TSC2: variants seen among roughly 807,000 people sequenced by gnomAD.
TSC2 encodes the protein TSC complex subunit 2.
Under a neutral mutation model 202.2 loss-of-function variants are expected in TSC2, and 29 were observed. That is an observed-to-expected ratio of 0.14 (90% confidence interval 0.11 to 0.20). The LOEUF (loss-of-function observed/expected upper bound fraction) is 0.20. TSC2 is among the 10% of genes least tolerant of loss of function. The pLI, the probability that TSC2 is intolerant of heterozygous loss-of-function variation, is 1.00. For synonymous variants in TSC2, 1,349 were observed against 1,044.0 expected, an observed-to-expected ratio of 1.29 and a Z score of -5.63; for missense variants, 2,429 against 2,420.0, an observed-to-expected ratio of 1.00 and a Z score of -0.08.
chr16:2,085,388 G>A (rs1268458832), intron 36 of TSC2, 66 bp downstream of exon 36: 19 of 1,552,688 alleles, frequency 1.2e-5, no homozygotes, highest in Middle Eastern at 1.7e-4. Context: ...GCAGTGGGTA[G>A]GGAGTCTGGG....
intron 18 of TSC2, 34 bp from the exon 19 acceptor site, chr16:2,071,750 G>A (rs1301641711): frequency 1.5e-5 from 24 of 1,601,278 alleles, no homozygotes; most frequent in East Asian, 6.8e-5. Context: ...CTGCTGCGGG[G>A]ACTTGGCCTC....
chr16:2,088,603 T>G lies in TSC2; in HGVS notation c.5417T>G (p.Phe1806Cys). 6.2e-7 allele frequency: 1 copy of G among 1,603,880 alleles called. No homozygotes were observed. The highest frequency in any genetic ancestry group is 8.5e-7 in the Non-Finnish European group (1 of 1,179,674). Residue 1806 changes from phenylalanine to cysteine, a missense_variant, in exon 42 of 42, where the codon TTT becomes TGT. By Grantham distance (205) the Phe-to-Cys change is radical. Transcript: ENST00000219476. ...LISSVEDFTE[F>C]V is the part of the protein sequence containing the mutation. Reference sequence around the variant, plus strand: ...TCCTCGGTGGAGGACTTCACCGAGTTTGTGTGAGGCCGGGGCCCTCCCTCC... The same window carrying G: ...TCCTCGGTGGAGGACTTCACCGAGTGTGTGTGAGGCCGGGGCCCTCCCTCC...
Position 2,055,628 on chromosome 16 carries a change from C to T in TSC2, c.599+109C>T, listed in dbSNP as rs1283856236. 9.3e-6 allele frequency: 10 copies of T among 1,076,100 alleles called. No homozygotes were observed. In the East Asian group the frequency reaches 1.9e-4, roughly 20 times the overall value. 66.7% of individuals were successfully genotyped at this position (1,076,100 alleles called of 1,614,324 possible). A position where few individuals can be genotyped will look rare whatever the true frequency, so the allele number is the denominator to read the frequency against. On this transcript the variant is annotated intron_variant, in intron 6 of 41. Coordinates refer to ENST00000219476, the MANE Select transcript of TSC2 (RefSeq NM_000548.5). ...AGAGGTTGGGCTGGGCACAATGGCT[C>T]ACGCCTGTAATCTCAGCACTTTGGG...
At chr16:2,048,152 C>A in intron 1 of TSC2, 87 bp downstream of exon 1, 1 of 1,532,832 alleles carries the variant, frequency 6.5e-7, no homozygotes, top group Non-Finnish European at 8.8e-7. Context: ...GGGTCCCGGG[C>A]CCTCACCCGC....
chr16:2,050,749 A>G (rs1280487042), intron 3 of TSC2, among the ~76,000 whole-genome samples: 1 of 150,838 alleles, frequency 6.6e-6, no homozygotes, highest in Admixed American at 6.6e-5. Flanking sequence ...GCGCCACCAC[A>G]CCCGGCTTTT....
intron 16 of TSC2, among the ~76,000 whole-genome samples, chr16:2,069,323 A>G (rs1172355311): frequency 1.3e-5 from 2 of 151,926 alleles, no homozygotes; most frequent in Admixed American, 6.6e-5. Flanking sequence ...TCATTTAATC[A>G]TCTTTTTTTT....
Position 2,056,178 on chromosome 16 carries a change from G to C in TSC2, c.600-18G>C, listed in dbSNP as rs199683502. The C allele has an allele frequency of 6.2e-7, 1 of 1,613,710 alleles. No individual in the cohort carries two copies. The highest frequency in any genetic ancestry group is 8.5e-7 in the Non-Finnish European group (1 of 1,180,036). ...ATCCAGGCAGTGCTGCCGGGACTGA[G>C]CTCGGTGCTCCCTGCAGGATGATCT... On this transcript the variant is annotated intron_variant, in intron 6 of 41. Transcript: ENST00000219476.
intron 21 of TSC2, among the ~76,000 whole-genome samples, 183 bp from the exon 22 acceptor site, chr16:2,074,017 C>G (rs1000593901): frequency 2.6e-5 from 4 of 152,248 alleles, no homozygotes; most frequent in Non-Finnish European, 5.9e-5. Context: ...TGCAACTGAC[C>G]GGAGCAGTCT....
chr16:2,060,564 A>G, intron 10 of TSC2, 106 bp from the exon 11 acceptor site: 1 of 1,583,634 alleles, frequency 6.3e-7, no homozygotes. Flanking sequence ...TGTGGTGGGC[A>G]CTGCGCGCTC....
At chr16:2,073,111 T>G in intron 21 of TSC2, 128 bp downstream of exon 21, 2 of 1,451,354 alleles carry the variant, frequency 1.4e-6, no homozygotes, top group South Asian at 1.2e-5. Flanking sequence ...TTGGCTCTGC[T>G]TCCCTGGGTG....
At chr16:2,077,911 G>T (rs561068457) in intron 26 of TSC2, among the ~76,000 whole-genome samples, 185 bp downstream of exon 26, 1 of 152,152 alleles carries the variant, frequency 6.6e-6, no homozygotes, top group Non-Finnish European at 1.5e-5. Flanking sequence ...GTATGAGCAC[G>T]GGCTGGTTGC....
At chr16:2,051,674 C>G (rs2085146182) in intron 3 of TSC2, among the ~76,000 whole-genome samples, 1 of 152,226 alleles carries the variant, frequency 6.6e-6, no homozygotes, top group African/African-American at 2.4e-5. Flanking sequence ...ACCTGGACCT[C>G]TCATGCTCAG....
chr16:2,087,872 A>G lies in TSC2; in HGVS notation c.4999A>G (p.Asn1667Asp), dbSNP rs1182240785. ...FKLGTIKGQF[N>D]FVHVIVTPLD... The stretch of plus-strand genomic sequence containing the variant: ...TCTCTTGTCCGGGCAGGGCCAGTTC[A>G]ACTTTGTCCACGTGATCGTCACCCC... The change falls in exon 39 of 42, where the codon AAC (asparagine) becomes GAC (aspartate). Residue 1667 changes from asparagine (N) to aspartate (D), a missense_variant. Physicochemically the swap from Asn to Asp is conservative, Grantham distance 23. Transcript: ENST00000219476. 3.7e-6 allele frequency: 6 copies of G among 1,612,794 alleles called. No individual in the cohort carries two copies. The highest frequency in any genetic ancestry group is 5.1e-6 in the Non-Finnish European group (6 of 1,179,970).
chr16:2,076,268 G>T (rs1432101361), intron 24 of TSC2, 98 bp downstream of exon 24: 2 of 1,578,628 alleles, frequency 1.3e-6, no homozygotes, highest in South Asian at 2.3e-5. Context: ...GCAGGTGGAG[G>T]GCAGTGGGAG....
chr16:2,065,827 C>T (rs954445481), intron 16 of TSC2, among the ~76,000 whole-genome samples, 192 bp downstream of exon 16: 11 of 152,168 alleles, frequency 7.2e-5, no homozygotes, highest in Non-Finnish European at 1.0e-4. Context: ...CAAGAGGCCC[C>T]GTTGTACGCC....
At chr16:2,069,058 G>A (rs912166044) in intron 16 of TSC2, among the ~76,000 whole-genome samples, 23 of 152,124 alleles carry the variant, frequency 1.5e-4, no homozygotes, top group Non-Finnish European at 2.5e-4. Context: ...TGGCATGTAA[G>A]TGACCCATGA....
At chr16:2,055,184 A>G in intron 5 of TSC2, 1 of 630,626 alleles carries the variant, frequency 1.6e-6, no homozygotes, top group East Asian at 2.8e-5. Context: ...GTGCAGCCCC[A>G]GGGGCGGTAG....
At position 2,079,712 on chromosome 16, in the gene TSC2, C is replaced by T. The variant is rs559543686; in HGVS notation, c.3397+43C>T. 10 of 1,531,554 alleles carry T rather than the reference C, an allele frequency of 6.5e-6. No homozygotes were observed. The highest frequency in any genetic ancestry group is 8.8e-6 in the Non-Finnish European group (10 of 1,135,000). The allele number at this position is 1,531,554 out of a possible 1,614,324, so 94.9% of individuals were successfully genotyped here. ...CCACCTCCACACAGGCACCGGGGCTCCCTCAGTTGCTGCTGGTCCCAGTGT... is the reference window on the plus strand; with the variant it reads ...CCACCTCCACACAGGCACCGGGGCTTCCTCAGTTGCTGCTGGTCCCAGTGT... On this transcript the variant is annotated intron_variant, in intron 29 of 41. Transcript: ENST00000219476. This position sits in a 1 kb window ranked among gnomAD's most constrained non-coding sequence, Gnocchi z 4.6.
chr16:2,053,225 C>T (rs2033258250), intron 3 of TSC2, 117 bp from the exon 4 acceptor site: 3 of 1,008,818 alleles, frequency 3.0e-6, no homozygotes, highest in African/African-American at 3.2e-5. Flanking sequence ...AGGTGGGGCT[C>T]TCAGTCACAA....
Sources: allele counts gnomAD v4.1 joint callset (sites outside exome capture counted in the v4.1 genomes callset), GRCh38; gene constraint gnomAD v4.1.1; non-coding constraint Gnocchi (gnomAD v3.1); transcripts MANE v1.5; gene names NCBI Gene and HGNC (gene_info 2026-07-23, HGNC 2026-07-21).